CUBN: variants seen among roughly 807,000 people sequenced by gnomAD.
CUBN encodes the protein 460 kDa receptor.
A neutral mutation model predicts 405.3 loss-of-function variants in CUBN; 282 were observed. The ratio of observed to expected loss-of-function variants is 0.70; its 90% CI spans 0.63 to 0.77. The LOEUF is 0.77. Ranked by LOEUF, CUBN falls within the 30% of genes least tolerant of loss-of-function variation. The probability of loss-of-function intolerance (pLI) is 0.00; values close to 1 mark genes in which losing one functional copy is unlikely to be tolerated. For missense variants in CUBN, 4,514 were observed against 4,475.2 expected, an observed-to-expected ratio of 1.01 and a Z score of -0.25; for synonymous variants, 1,684 against 1,617.0, an observed-to-expected ratio of 1.04 and a Z score of -0.99.
intron 33 of CUBN, among the ~76,000 whole-genome samples, chr10:16,952,013 C>T (rs1024199410): frequency 6.6e-6 from 1 of 151,858 alleles, no homozygotes. Context: ...TGTTGTTGTG[C>T]GTGTGTGTGT....
chr10:17,039,927 T>C (rs1029143659), intron 27 of CUBN, among the ~76,000 whole-genome samples: 3 of 152,220 alleles, frequency 2.0e-5, no homozygotes, highest in Non-Finnish European at 2.9e-5. Flanking sequence ...AAGTGCAGAA[T>C]GCTTTGTTGT....
chr10:16,853,831 AC>A (rs1839789790), intron 59 of CUBN, among the ~76,000 whole-genome samples: 1 of 152,208 alleles, frequency 6.6e-6, no homozygotes, highest in South Asian at 2.1e-4. Flanking sequence ...ACTTAAGGAA[AC>A]CACTTAAGCT....
chr10:17,107,792 T>A (rs534971379), intron 10 of CUBN, among the ~76,000 whole-genome samples: 1 of 152,252 alleles, frequency 6.6e-6, no homozygotes, highest in African/African-American at 2.4e-5. Flanking sequence ...CCACCGCGCC[T>A]GGCAAAAATA....
intron 39 of CUBN, among the ~76,000 whole-genome samples, chr10:16,935,879 C>CAAAAAAAAAAAAAAAAAAA (rs369098280): frequency 4.2e-5 from 3 of 71,400 alleles, no homozygotes; most frequent in Non-Finnish European, 7.8e-5. Context: ...GACTCCATCT[C>CAAAAAAAAAAAAAAAAAAA]AAAAAAAAAA....
chr10:16,966,239 T>C (rs1266666662), intron 31 of CUBN, among the ~76,000 whole-genome samples: 1 of 152,192 alleles, frequency 6.6e-6, no homozygotes, highest in African/African-American at 2.4e-5. Flanking sequence ...TGAACGTGCA[T>C]GGGATTCCCA....
chr10:16,848,085 T>TG (rs1278342605), intron 60 of CUBN, among the ~76,000 whole-genome samples: 2 of 151,780 alleles, frequency 1.3e-5, no homozygotes, highest in African/African-American at 4.9e-5. Flanking sequence ...AGAATTTATT[T>TG]GAAAAAAACG....
At position 17,058,152 on chromosome 10, in the gene CUBN, A is replaced by G. The variant is rs767611633; in HGVS notation, c.3139+7356T>C. On this transcript the variant is annotated intron_variant, in intron 22 of 66. Coordinates refer to ENST00000377833, the MANE Select transcript of CUBN (RefSeq NM_001081.4). Reference sequence around the variant, plus strand: ...AAAGAAGCCAGACACAAAAGAATACATACTATGTATTCCTGTTCACAGCTG... The same window carrying G: ...AAAGAAGCCAGACACAAAAGAATACGTACTATGTATTCCTGTTCACAGCTG... Among the ~76,000 whole-genome samples the G allele has an allele frequency of 2.0e-4, 30 of 152,018 alleles. 2 individuals carry two copies. Among genetic ancestry groups the G allele is most frequent in the Non-Finnish European group, 3.8e-4 (26 of 67,968 alleles).
chr10:17,001,510 T>C (rs537403114), intron 28 of CUBN, among the ~76,000 whole-genome samples: 1 of 152,318 alleles, frequency 6.6e-6, no homozygotes, highest in Non-Finnish European at 1.5e-5. Flanking sequence ...GACTGGCGCA[T>C]TTACAATGCT....
chr10:16,928,356 A>G, intron 40 of CUBN, 53 bp from the exon 41 acceptor site: 1 of 1,595,408 alleles, frequency 6.3e-7, no homozygotes, highest in African/African-American at 1.3e-5. Context: ...AATCTACTCT[A>G]CAATCATTTG....
chr10:17,095,263 G>C (rs573937365), intron 14 of CUBN, among the ~76,000 whole-genome samples: 1 of 151,788 alleles, frequency 6.6e-6, no homozygotes, highest in African/African-American at 2.4e-5. Flanking sequence ...CAAAATTAAA[G>C]ACTTAAACAT....
intron 39 of CUBN, among the ~76,000 whole-genome samples, chr10:16,935,879 C>CAAA (rs369098280): frequency 0.018 from 1,309 of 71,280 alleles, 37 homozygotes; most frequent in Non-Finnish European, 0.026. Flanking sequence ...GACTCCATCT[C>CAAA]AAAAAAAAAA....
intron 10 of CUBN, 137 bp downstream of exon 10, chr10:17,109,503 T>C: frequency 1.4e-6 from 1 of 730,618 alleles, no homozygotes. Context: ...ATGTGTAGTT[T>C]TATGGCATGG....
At chr10:17,083,365 C>T (rs7075782) in intron 17 of CUBN, among the ~76,000 whole-genome samples, 3,165 of 151,934 alleles carry the variant, frequency 0.021, 119 homozygotes, top group African/African-American at 0.072. Context: ...ATTAGCCGGG[C>T]GTGGTGGCAC....
At chr10:16,855,160 G>T (rs1480129862) in intron 59 of CUBN, among the ~76,000 whole-genome samples, 1 of 147,784 alleles carries the variant, frequency 6.8e-6, no homozygotes, top group Non-Finnish European at 1.5e-5. Context: ...GCCCAGGCTG[G>T]TCTCGTATTC....
rs567994427 is a variant in CUBN at position 16,872,811 on chromosome 10, A to C, written c.9236+1563T>G. Among the ~76,000 whole-genome samples the C allele has an allele frequency of 2.0e-5, 3 of 152,360 alleles. No individual in the cohort carries two copies. The South Asian group carries it at 6.2e-4, about 32-fold the overall frequency. ...TACACTTTCACGCCTGTGCAGGCAT[A>C]CTTCACAGAACTCCTGCTCCTGGCC... is the stretch of plus-strand genomic sequence containing the variant. On this transcript the variant is annotated intron_variant, in intron 58 of 66. Coordinates refer to ENST00000377833, the MANE Select transcript of CUBN (RefSeq NM_001081.4).
intron 56 of CUBN, among the ~76,000 whole-genome samples, chr10:16,880,741 C>T (rs1017907020): frequency 2.0e-5 from 3 of 152,180 alleles, no homozygotes; most frequent in Non-Finnish European, 4.4e-5. Flanking sequence ...AGCTCCTTCG[C>T]TAAGTTTCTA....
chr10:17,104,940 C>G (rs1052943326), intron 11 of CUBN, among the ~76,000 whole-genome samples: 1 of 151,224 alleles, frequency 6.6e-6, no homozygotes, highest in African/African-American at 2.4e-5. Flanking sequence ...TCCTGAGTAG[C>G]TGGGATTACA....
intron 64 of CUBN, among the ~76,000 whole-genome samples, chr10:16,834,031 A>C (rs1255839530): frequency 6.6e-6 from 1 of 152,204 alleles, no homozygotes; most frequent in African/African-American, 2.4e-5. Flanking sequence ...CTCACAGAGG[A>C]ACTCAGCATC....
chr10:17,012,185 A>C (rs1834204148), intron 28 of CUBN, among the ~76,000 whole-genome samples: 1 of 152,192 alleles, frequency 6.6e-6, no homozygotes, highest in Admixed American at 6.5e-5. Flanking sequence ...GAGGAAACAA[A>C]TTTGACAAGG....
Sources: allele counts gnomAD v4.1 joint callset (sites outside exome capture counted in the v4.1 genomes callset), GRCh38; gene constraint gnomAD v4.1.1; transcripts MANE v1.5; gene names NCBI Gene and HGNC (gene_info 2026-07-23, HGNC 2026-07-21).